PRKDC: variants seen among roughly 807,000 people sequenced by gnomAD.
PRKDC encodes the protein protein kinase, DNA-activated, catalytic subunit.
PRKDC carries 82 observed loss-of-function variants against 486.9 expected under a neutral mutation model. That is an observed-to-expected ratio of 0.17 (90% CI 0.14 to 0.20). The LOEUF (loss-of-function observed/expected upper bound fraction) is 0.20. Ranked by LOEUF, PRKDC falls within the 10% of genes least tolerant of loss-of-function variation. The pLI is 1.00. For missense variants in PRKDC, 4,504 were observed against 5,038.2 expected (o/e 0.89, Z 3.21); for synonymous variants, 1,895 against 1,837.0 (o/e 1.03, Z -0.81).
Position 47,859,727 on chromosome 8 carries a change from AATATGACAGGGAAGACAT to A in PRKDC, c.6073_6090del (p.Met2025_Tyr2030del), listed in dbSNP as rs2088630589. On this transcript the variant is annotated inframe_deletion, in exon 46 of 86. Transcript: ENST00000314191. ...TCCTCACTCAGGGTACTGTCTGCCA[AATATGACAGGGAAGACAT>A]ATAGGAAGGACCATCTGAAATATAA... 1 of 1,613,344 alleles carries A rather than the reference AATATGACAGGGAAGACAT, an allele frequency of 6.2e-7. No homozygotes were observed. The highest frequency in any genetic ancestry group is 1.3e-5 in the African/African-American group (1 of 75,054).
intron 25 of PRKDC, among the ~76,000 whole-genome samples, chr8:47,907,483 A>G (rs901639732): frequency 6.7e-6 from 1 of 150,066 alleles, no homozygotes; most frequent in East Asian, 2.0e-4. Flanking sequence ...CTACAATCCT[A>G]CATCCCAAAG....
chr8:47,785,982 T>C (rs890831360), intron 76 of PRKDC, among the ~76,000 whole-genome samples: 1 of 152,028 alleles, frequency 6.6e-6, no homozygotes, highest in East Asian at 1.9e-4. Flanking sequence ...GGCTCATGCC[T>C]GTAATCCCAG....
At chr8:47,947,124 G>A (rs751813030) in intron 7 of PRKDC, among the ~76,000 whole-genome samples, 2 of 152,072 alleles carry the variant, frequency 1.3e-5, no homozygotes, top group African/African-American at 2.4e-5. Context: ...ACCACTGCAC[G>A]CAGGCTAAGC....
At position 47,862,046 on chromosome 8, in the gene PRKDC, T is replaced by A; in HGVS notation, c.5985+16A>T. The A allele has an allele frequency of 6.5e-7, 1 of 1,535,964 alleles. No individual in the cohort carries two copies. The highest frequency in any genetic ancestry group is 1.2e-5 in the South Asian group (1 of 81,562). On this transcript the variant is annotated intron_variant, in intron 44 of 85. Coordinates refer to ENST00000314191, the MANE Select transcript of PRKDC (RefSeq NM_006904.7). ...GCACTTGATAAGTTTTTTTTAACAT[T>A]GAAAATTTCACTCACCTCAACTTCT...
intron 10 of PRKDC, among the ~76,000 whole-genome samples, chr8:47,941,900 A>G (rs900873610): frequency 2.6e-5 from 4 of 152,194 alleles, no homozygotes; most frequent in African/African-American, 7.2e-5. Flanking sequence ...GGAGTGGGGG[A>G]CTGAAAAGTC....
At chr8:47,918,218 A>G in intron 22 of PRKDC, 59 bp downstream of exon 22, 3 of 1,119,832 alleles carry the variant, frequency 2.7e-6, no homozygotes, top group Non-Finnish European at 2.5e-6. Flanking sequence ...ACTTTTCACA[A>G]GTGTTAGAAT....
At chr8:47,945,235 T>G (rs2090512604) in intron 7 of PRKDC, among the ~76,000 whole-genome samples, 1 of 152,218 alleles carries the variant, frequency 6.6e-6, no homozygotes, top group Admixed American at 6.5e-5. Flanking sequence ...CATGGTCTTG[T>G]ATCTGTTTTT....
intron 25 of PRKDC, among the ~76,000 whole-genome samples, chr8:47,908,514 C>T (rs1172081850): frequency 6.6e-6 from 1 of 152,142 alleles, no homozygotes; most frequent in African/African-American, 2.4e-5. Flanking sequence ...CAGAAGGATG[C>T]TGATTATAGA....
At chr8:47,776,685 G>C (rs2086613316) in intron 85 of PRKDC, among the ~76,000 whole-genome samples, 159 bp downstream of exon 85, 1 of 152,182 alleles carries the variant, frequency 6.6e-6, no homozygotes, top group Non-Finnish European at 1.5e-5. Flanking sequence ...TGGCTTTGGG[G>C]AAGTCAGCCT....
At chr8:47,794,203 C>A in intron 74 of PRKDC, 87 bp downstream of exon 74, 1 of 1,067,056 alleles carries the variant, frequency 9.4e-7, no homozygotes, top group Non-Finnish European at 1.4e-6. Context: ...AATTTGAAAA[C>A]AAATGTAGTG....
chr8:47,952,802 G>C (rs1311644167), intron 7 of PRKDC, among the ~76,000 whole-genome samples: 5 of 152,088 alleles, frequency 3.3e-5, no homozygotes, highest in Non-Finnish European at 5.9e-5. Flanking sequence ...CCATGAGTTT[G>C]AGAACAGCCT....
Position 47,774,392 on chromosome 8 carries a change from A to C in PRKDC, c.12183-15T>G. On this transcript the variant is annotated splice_polypyrimidine_tract_variant and intron_variant, in intron 85 of 85. Transcript: ENST00000314191. The stretch of plus-strand genomic sequence containing the variant: ...GTAGCTCATCACTGGAAAAAAAACA[A>C]ACACAGAAAACACAAAGCATGTGTC... 6.2e-7 allele frequency: 1 copy of C among 1,606,402 alleles called. No individual in the cohort carries two copies. Among genetic ancestry groups the C allele is most frequent in the South Asian group, 1.1e-5 (1 of 89,554 alleles).
In PRKDC at chr8:47,778,617, C is replaced by T. The variant is rs2154497346; in HGVS notation, c.11695G>A (p.Ala3899Thr). 2 of 1,613,690 alleles carry T rather than the reference C, an allele frequency of 1.2e-6. No homozygotes were observed. Among genetic ancestry groups the T allele is most frequent in the African/African-American group, 2.7e-5 (2 of 75,036 alleles). Residue 3899 changes from alanine to threonine, a missense_variant, in exon 83 of 86, where the codon GCG (alanine) becomes ACG (threonine). This residue lies in a region of PRKDC where 706 missense variants were observed against 945.0 expected (regional missense o/e 0.75). Coordinates refer to ENST00000314191, the MANE Select transcript of PRKDC (RefSeq NM_006904.7). ...GAGCTGGCGAAGTGGGAGCGGAGCG[C>T]CAGGAAAGCCTCAGGGCTTGTACTC... Reference protein sequence around the residue: ...RMSTSPEAFLALRSHFASSHA... With the variant: ...RMSTSPEAFLTLRSHFASSHA...
chr8:47,948,068 G>C (rs1035654871), intron 7 of PRKDC, among the ~76,000 whole-genome samples: 2 of 151,500 alleles, frequency 1.3e-5, no homozygotes, highest in Admixed American at 6.6e-5. Flanking sequence ...GGATAACAAA[G>C]TGAGACCCTG....
At chr8:47,842,148 G>A (rs2088161843) in intron 54 of PRKDC, among the ~76,000 whole-genome samples, 1 of 152,146 alleles carries the variant, frequency 6.6e-6, no homozygotes, top group African/African-American at 2.4e-5. Flanking sequence ...AAGGGATGGG[G>A]AGTGCAGCCC....
intron 85 of PRKDC, among the ~76,000 whole-genome samples, chr8:47,775,107 A>C (rs2086582245): frequency 6.6e-6 from 1 of 151,872 alleles, no homozygotes; most frequent in Non-Finnish European, 1.5e-5. Flanking sequence ...GGATCGCTTG[A>C]ACCCAGGAGG....
At chr8:47,958,202 C>T (rs1467008758) in intron 1 of PRKDC, among the ~76,000 whole-genome samples, 1 of 152,094 alleles carries the variant, frequency 6.6e-6, no homozygotes, top group Non-Finnish European at 1.5e-5. Context: ...ACTTGACATG[C>T]TGTTGCTGGC....
Position 47,885,892 on chromosome 8 carries a change from A to C in PRKDC, c.4776+52T>G, listed in dbSNP as rs2089316778. 4 of 1,529,148 alleles carry C rather than the reference A, an allele frequency of 2.6e-6. No individual in the cohort carries two copies. The East Asian group carries it at 9.1e-5, about 35-fold the overall frequency. 94.7% of individuals were successfully genotyped at this position (1,529,148 alleles called of 1,614,324 possible). On this transcript the variant is annotated intron_variant, in intron 36 of 85. Transcript: ENST00000314191. ...GGGCGAAAGTGCAAGACTCTGTCTC[A>C]AACAAACAAACAAACAAAAAAAACA...
chr8:47,795,504 T>C (rs959601473), intron 73 of PRKDC, among the ~76,000 whole-genome samples: 10 of 150,044 alleles, frequency 6.7e-5, no homozygotes, highest in African/African-American at 1.5e-4. Context: ...TTTTTTTTTT[T>C]TCTTTTGAGA....
Sources: gnomAD v4.1 joint callset for allele counts (sites outside exome capture counted in the v4.1 genomes callset) on GRCh38, gnomAD v4.1.1 for gene constraint, gnomAD v4.1.1 regional missense constraint, MANE v1.5 for transcripts, NCBI Gene and HGNC (gene_info 2026-07-23, HGNC 2026-07-21) for gene names.